Variants in NEK10 observed in about 807,000 individuals in gnomAD.
NEK10 encodes the protein serine/threonine-protein kinase Nek10.
In NEK10, 122 loss-of-function variants were observed where a neutral mutation model predicts 159.8. The ratio of observed to expected loss-of-function variants is 0.76; its 90% confidence interval spans 0.66 to 0.89. NEK10 has a LOEUF of 0.89. Among genes scored for constraint, NEK10 ranks in the 40% least tolerant of loss-of-function variants. NEK10 has a pLI of 0.00. For synonymous variants in NEK10, 466 were observed against 457.1 expected (o/e 1.02, Z -0.25); for missense variants, 1,342 against 1,323.1 (o/e 1.01, Z -0.22).
chr3:27,268,344 C>T (rs1055279853), intron 22 of NEK10, among the ~76,000 whole-genome samples: 1 of 152,186 alleles, frequency 6.6e-6, no homozygotes, highest in Admixed American at 6.5e-5. Flanking sequence ...AAAGAAGATG[C>T]CATCTAGGAC....
chr3:27,306,219 G>A (rs548693774), intron 11 of NEK10, among the ~76,000 whole-genome samples: 6 of 152,170 alleles, frequency 3.9e-5, no homozygotes, highest in African/African-American at 1.4e-4. Context: ...GGCAACGTTG[G>A]GATTCTTTTG....
At chr3:27,303,552 T>C (rs908879141) in intron 12 of NEK10, among the ~76,000 whole-genome samples, 2 of 152,244 alleles carry the variant, frequency 1.3e-5, no homozygotes, top group African/African-American at 4.8e-5. Context: ...CACTAATGAA[T>C]GACTTATAAT....
At chr3:27,178,688 C>T (rs555342435) in intron 26 of NEK10, among the ~76,000 whole-genome samples, 6 of 152,278 alleles carry the variant, frequency 3.9e-5, no homozygotes, top group Non-Finnish European at 8.8e-5. Context: ...TTAGTCCCTA[C>T]ATTTTAAGGT....
intron 31 of NEK10, among the ~76,000 whole-genome samples, chr3:27,140,016 C>T (rs946484466): frequency 1.3e-5 from 2 of 152,124 alleles, no homozygotes; most frequent in Non-Finnish European, 2.9e-5. Context: ...CAGCACTTGA[C>T]CACTAATAGC....
Position 27,287,738 on chromosome 3 carries a change from A to G in NEK10, c.1749T>C (p.Tyr583=). ...SELTIIKEQL[Y]HPNIVRYYKT... ...TGTAATAACGTACAATGTTGGGATGATAAAGCTATAAGAAAATAAATAACA... is the reference window on the plus strand; with the variant it reads ...TGTAATAACGTACAATGTTGGGATGGTAAAGCTATAAGAAAATAAATAACA... The change falls in exon 20 of 36, where the codon TAT becomes TAC. Residue 583 remains tyrosine, a synonymous_variant. Coordinates refer to ENST00000691995, the MANE Select transcript of NEK10 (RefSeq NM_001394966.1). The G allele has an allele frequency of 6.4e-7, 1 of 1,559,920 alleles. No individual in the cohort carries two copies. Among genetic ancestry groups the G allele is most frequent in the Non-Finnish European group, 8.6e-7 (1 of 1,159,722 alleles).
chr3:27,332,968 A>G (rs2046532585), intron 5 of NEK10, among the ~76,000 whole-genome samples: 1 of 152,236 alleles, frequency 6.6e-6, no homozygotes, highest in African/African-American at 2.4e-5. Context: ...AATTCAAGAG[A>G]GCTGACTAGG....
intron 33 of NEK10, among the ~76,000 whole-genome samples, chr3:27,118,373 C>T (rs912267275): frequency 1.3e-5 from 2 of 152,216 alleles, no homozygotes; most frequent in East Asian, 3.8e-4. Context: ...GCCGTGTTGA[C>T]CAGCTTTCAC....
At chr3:27,365,121 A>G (rs1480237697) in intron 1 of NEK10, among the ~76,000 whole-genome samples, 1 of 152,228 alleles carries the variant, frequency 6.6e-6, no homozygotes, top group Non-Finnish European at 1.5e-5. Flanking sequence ...AATTTTCTAG[A>G]TAAATATTTA....
intron 23 of NEK10, among the ~76,000 whole-genome samples, chr3:27,210,345 A>G (rs1312708780): frequency 6.6e-6 from 1 of 152,128 alleles, no homozygotes; most frequent in Non-Finnish European, 1.5e-5. Flanking sequence ...CATTCTCATA[A>G]TAACTCATGA....
At chr3:27,243,993 C>A (rs1350401846) in intron 23 of NEK10, among the ~76,000 whole-genome samples, 1 of 152,134 alleles carries the variant, frequency 6.6e-6, no homozygotes, top group Non-Finnish European at 1.5e-5. Flanking sequence ...CACATCTCTC[C>A]TTCCCTTTTC....
intron 30 of NEK10, among the ~76,000 whole-genome samples, chr3:27,153,937 A>C (rs1244005078): frequency 1.3e-5 from 2 of 152,200 alleles, no homozygotes; most frequent in African/African-American, 4.8e-5. Context: ...ACCCAGCAGA[A>C]GAAAGGAAAT....
At chr3:27,270,143 T>C (rs978969513) in intron 22 of NEK10, among the ~76,000 whole-genome samples, 2 of 152,196 alleles carry the variant, frequency 1.3e-5, no homozygotes, top group Admixed American at 6.5e-5. Flanking sequence ...GGTTCGGTTA[T>C]AAAGAAACTA....
intron 30 of NEK10, 149 bp downstream of exon 30, chr3:27,162,552 C>A: frequency 6.2e-7 from 1 of 1,614,054 alleles, no homozygotes; most frequent in African/African-American, 1.3e-5. Flanking sequence ...TAATGTGGGC[C>A]CTGAGCATGT....
At chr3:27,366,800 T>G (rs778668423) in intron 1 of NEK10, among the ~76,000 whole-genome samples, 74 of 146,190 alleles carry the variant, frequency 5.1e-4, no homozygotes, top group Non-Finnish European at 8.3e-4. Flanking sequence ...TAGACTTCAG[T>G]GTGTTCATTT....
At chr3:27,354,876 T>A (rs1036036467) in intron 1 of NEK10, among the ~76,000 whole-genome samples, 1 of 152,156 alleles carries the variant, frequency 6.6e-6, no homozygotes, top group Non-Finnish European at 1.5e-5. Flanking sequence ...TCCTGTAGCC[T>A]TCAGTCATAA....
chr3:27,303,838 C>T (rs2044026082), intron 12 of NEK10, among the ~76,000 whole-genome samples: 1 of 151,936 alleles, frequency 6.6e-6, no homozygotes, highest in Admixed American at 6.6e-5. Context: ...TTGATAAGTC[C>T]CTCTGCTTTT....
chr3:27,258,113 C>A (rs1261967081), intron 22 of NEK10, among the ~76,000 whole-genome samples: 1 of 151,822 alleles, frequency 6.6e-6, no homozygotes, highest in Non-Finnish European at 1.5e-5. Flanking sequence ...GCTTTCTTAT[C>A]TATAAAATAA....
chr3:27,133,094 C>G (rs555361249), intron 31 of NEK10, among the ~76,000 whole-genome samples: 1 of 152,152 alleles, frequency 6.6e-6, no homozygotes, highest in Non-Finnish European at 1.5e-5. Context: ...TTTTCTCCAC[C>G]ACTGTCCTCC....
intron 22 of NEK10, among the ~76,000 whole-genome samples, chr3:27,273,669 A>T (rs2041548440): frequency 6.6e-6 from 1 of 152,198 alleles, no homozygotes; most frequent in Non-Finnish European, 1.5e-5. Context: ...ATTTCGGGAA[A>T]TGATTATTTG....
Sources: gnomAD v4.1 joint callset for allele counts (sites outside exome capture counted in the v4.1 genomes callset) on GRCh38, gnomAD v4.1.1 for gene constraint, MANE v1.5 for transcripts, NCBI Gene and HGNC (gene_info 2026-07-23, HGNC 2026-07-21) for gene names.